Variants in SLC24A3 observed in about 807,000 individuals in gnomAD.
SLC24A3 encodes the protein solute carrier family 24 member 3.
A neutral mutation model predicts 75.8 loss-of-function variants in SLC24A3; 28 were observed. That is an observed-to-expected ratio of 0.37 (90% CI 0.27 to 0.51). The LOEUF (loss-of-function observed/expected upper bound fraction) is 0.51, where lower values mean the gene tolerates loss of function less well. SLC24A3 is among the 20% of genes least tolerant of loss of function. SLC24A3 has a pLI of 0.94. For synonymous variants in SLC24A3, 372 were observed against 334.1 expected (o/e 1.11, Z -1.24); for missense variants, 663 against 847.8 (o/e 0.78, Z 2.71).
intron 1 of SLC24A3, among the ~76,000 whole-genome samples, chr20:19,214,088 A>T (rs1981485126): frequency 6.6e-6 from 1 of 152,238 alleles, no homozygotes; most frequent in Non-Finnish European, 1.5e-5. Context: ...GGTGCCATGA[A>T]TTTAAAAAGG....
chr20:19,213,006 C>G (rs200675856), intron 1 of SLC24A3, 22 bp downstream of exon 1: 97 of 1,247,256 alleles, frequency 7.8e-5, no homozygotes, highest in Middle Eastern at 7.3e-4. Flanking sequence ...CTGCCTGCCC[C>G]GAGTGGGCGC....
At chr20:19,298,905 T>C (rs750370378) in intron 2 of SLC24A3, among the ~76,000 whole-genome samples, 4 of 152,176 alleles carry the variant, frequency 2.6e-5, no homozygotes, top group Non-Finnish European at 4.4e-5. Flanking sequence ...AGTCATGGGT[T>C]GGGGGCTGTT....
intron 3 of SLC24A3, among the ~76,000 whole-genome samples, chr20:19,531,556 A>G (rs144779121): frequency 2.5e-3 from 375 of 152,348 alleles, no homozygotes; most frequent in Non-Finnish European, 3.6e-3. Context: ...CCTATTTTAT[A>G]AATGAGTAAA....
rs1981439349 is a variant in SLC24A3 at position 19,212,812 on chromosome 20, CCCGCCGAGG to C, written c.-24_-16del. 1 of 980,144 alleles carries C rather than the reference CCCGCCGAGG, an allele frequency of 1.0e-6. No homozygotes were observed. Among genetic ancestry groups the C allele is most frequent in the Admixed American group, 6.4e-5 (1 of 15,718 alleles). 60.7% of individuals were successfully genotyped at this position (980,144 alleles called of 1,614,324 possible). ...CCGCCCGCGACAGGAGCGGCCGCCG[CCCGCCGAGG>C]CCGCCGCCCGGCCGCCCGAGGATGC... On this transcript the variant is annotated 5_prime_UTR_variant, in exon 1 of 17. Transcript: ENST00000328041.
At chr20:19,306,125 G>T (rs768903624) in intron 2 of SLC24A3, among the ~76,000 whole-genome samples, 3 of 152,134 alleles carry the variant, frequency 2.0e-5, no homozygotes, top group Non-Finnish European at 4.4e-5. Context: ...ATGAAAAAGT[G>T]TTCAACATCA....
intron 8 of SLC24A3, among the ~76,000 whole-genome samples, chr20:19,672,078 GACTGGTGTGGATAGAAATC>G (rs2032475363): frequency 1.3e-5 from 2 of 152,112 alleles, no homozygotes; most frequent in Non-Finnish European, 1.5e-5. Flanking sequence ...CTCATGCTTG[GACTGGTGTGGATAGAAATC>G]ACTGGTGCCC....
intron 15 of SLC24A3, among the ~76,000 whole-genome samples, chr20:19,699,404 T>A (rs1250481968): frequency 6.6e-6 from 1 of 152,266 alleles, no homozygotes; most frequent in African/African-American, 2.4e-5. Context: ...CAGGCTCTTA[T>A]GAATTGACTC....
At chr20:19,295,808 GT>G (rs760889250) in intron 2 of SLC24A3, among the ~76,000 whole-genome samples, 160 of 146,280 alleles carry the variant, frequency 1.1e-3, no homozygotes, top group African/African-American at 3.2e-3. Flanking sequence ...TTGGCCTTAA[GT>G]TTTTTTTTTT....
intron 6 of SLC24A3, among the ~76,000 whole-genome samples, chr20:19,625,279 A>G (rs1287650707): frequency 1.3e-5 from 2 of 152,240 alleles, no homozygotes; most frequent in African/African-American, 4.8e-5. Context: ...TGAATCAAGG[A>G]TATATATTCC....
chr20:19,376,628 C>T (rs1568603170), intron 2 of SLC24A3, among the ~76,000 whole-genome samples: 1 of 144,698 alleles, frequency 6.9e-6, no homozygotes, highest in African/African-American at 2.5e-5. Context: ...GTCATTGCCA[C>T]TTTTTTTTTT....
intron 2 of SLC24A3, among the ~76,000 whole-genome samples, chr20:19,481,213 C>T (rs1465053004): frequency 2.2e-5 from 3 of 133,904 alleles, no homozygotes; most frequent in African/African-American, 8.7e-5. Context: ...TACATTGCTA[C>T]GTCCTGGCTT....
intron 2 of SLC24A3, among the ~76,000 whole-genome samples, chr20:19,445,358 A>G (rs1377193015): frequency 1.3e-5 from 2 of 152,252 alleles, no homozygotes; most frequent in Non-Finnish European, 2.9e-5. Context: ...AGATAGTAGC[A>G]GCAGAATTCA....
intron 7 of SLC24A3, among the ~76,000 whole-genome samples, chr20:19,656,311 C>G (rs1197976538): frequency 6.6e-6 from 1 of 152,132 alleles, no homozygotes; most frequent in Non-Finnish European, 1.5e-5. Flanking sequence ...GGGAACTGGA[C>G]CTACCATGCT....
chr20:19,445,279 A>G (rs6136734), intron 2 of SLC24A3, among the ~76,000 whole-genome samples: 8,814 of 152,256 alleles, frequency 0.058, 846 homozygotes, highest in East Asian at 0.43. Context: ...GATTTGGGTT[A>G]CAACCTTAAT....
intron 4 of SLC24A3, among the ~76,000 whole-genome samples, chr20:19,583,337 G>A (rs1212497098): frequency 6.6e-6 from 1 of 152,128 alleles, no homozygotes; most frequent in Non-Finnish European, 1.5e-5. Flanking sequence ...AGGGTATTTG[G>A]TGAGAGAATG....
chr20:19,552,798 G>A (rs1015456258), intron 3 of SLC24A3, among the ~76,000 whole-genome samples: 4 of 151,998 alleles, frequency 2.6e-5, no homozygotes, highest in South Asian at 4.2e-4. Flanking sequence ...GTCTCCCTCC[G>A]GTGACTCCTC....
rs200248803 is a variant in SLC24A3, at chr20:19,316,487, C to T, written c.271+35400C>T. On this transcript the variant is annotated intron_variant, in intron 2 of 16. Transcript: ENST00000328041. ...GGTCCCTTTGACAGGACAGGGTTTC[C>T]CTGTTTAATCTGAGCTATGGCTCAT... 1.7e-4 allele frequency among the ~76,000 whole-genome samples: 26 copies of T among 152,328 alleles called. No homozygotes were observed. In the East Asian group the frequency reaches 4.6e-3, roughly 27 times the overall value.
intron 2 of SLC24A3, among the ~76,000 whole-genome samples, chr20:19,438,815 T>C (rs1426883515): frequency 6.6e-6 from 1 of 152,030 alleles, no homozygotes; most frequent in Non-Finnish European, 1.5e-5. Context: ...ACAGGGTAGG[T>C]AGTGTAGATA....
In SLC24A3 at chr20:19,553,201, G is replaced by A. The variant is rs1886923; in HGVS notation, c.349-26799G>A. 3.9e-3 allele frequency among the ~76,000 whole-genome samples: 594 copies of A among 151,768 alleles called. 4 individuals carry two copies. Among genetic ancestry groups the A allele is most frequent in the East Asian group, 0.02 (104 of 5,118 alleles). On this transcript the variant is annotated intron_variant, in intron 3 of 16. Transcript: ENST00000328041. The stretch of plus-strand genomic sequence containing the variant: ...CACCTTTGTGTGCACGTGTATGTCC[G>A]TGTGCACACCTCTGTGTGCACATCT...
Sources: allele counts gnomAD v4.1 joint callset (sites outside exome capture counted in the v4.1 genomes callset), GRCh38; gene constraint gnomAD v4.1.1; transcripts MANE v1.5; gene names NCBI Gene and HGNC (gene_info 2026-07-23, HGNC 2026-07-21).